Variants in TFPI2 observed in about 807,000 individuals in gnomAD.
The protein encoded by TFPI2 is tissue factor pathway inhibitor 2.
Under a neutral mutation model 23.1 loss-of-function variants are expected in TFPI2, and 23 were observed. The observed-to-expected ratio is 1.00, with a 90% CI of 0.72 to 1.41. TFPI2 has a LOEUF of 1.41. TFPI2 is among the 40% of genes most tolerant of loss of function. The pLI, the probability that TFPI2 is intolerant of heterozygous loss-of-function variation, is 0.00. For synonymous variants in TFPI2, 119 were observed against 111.7 expected (o/e 1.07, Z -0.41); for missense variants, 291 against 299.6 (o/e 0.97, Z 0.21).
chr7:93,890,423 G>GGGCC, intron 1 of TFPI2, 104 bp from the exon 2 acceptor site: 1 of 1,454,604 alleles, frequency 6.9e-7, no homozygotes, highest in Non-Finnish European at 9.2e-7. Context: ...CCGAGCGGAG[G>GGGCC]GGCCTCTGCA....
chr7:93,888,971 G>GT (rs965823053), intron 3 of TFPI2, 64 bp downstream of exon 3: 17 of 1,495,150 alleles, frequency 1.1e-5, no homozygotes, highest in African/African-American at 5.7e-5. Flanking sequence ...ATCAAATTGA[G>GT]TTTTTTCCAC....
In TFPI2 at chr7:93,890,174, G is replaced by C; in HGVS notation, c.234C>G (p.Thr78=). 3 of 1,613,074 alleles carry C rather than the reference G, an allele frequency of 1.9e-6. No individual in the cohort carries two copies. Among genetic ancestry groups the C allele is most frequent in the Non-Finnish European group, 2.5e-6 (3 of 1,179,232 alleles). The change falls in exon 2 of 5, where the codon ACC becomes ACG. Residue 78 remains threonine, a synonymous_variant. Transcript: ENST00000222543. ...AGCAAGCATCGTCGCAAGCCTCCCA[G>C]GTGTAGAAATTGTTGGCGTTGCCCT... is the stretch of plus-strand genomic sequence containing the variant. ...GCEGNANNFY[T]WEACDDACWR...
intron 2 of TFPI2, 124 bp downstream of exon 2, chr7:93,890,013 T>G: frequency 1.9e-6 from 2 of 1,029,040 alleles, no homozygotes; most frequent in Non-Finnish European, 1.4e-6. Flanking sequence ...TGAGGTTTGC[T>G]TAACACTTGA....
At chr7:93,889,350 A>G (rs1307774904) in intron 2 of TFPI2, 127 bp from the exon 3 acceptor site, 4 of 809,180 alleles carry the variant, frequency 4.9e-6, no homozygotes, top group Non-Finnish European at 7.6e-6. Flanking sequence ...GTAAATACCC[A>G]GAATACTCCC....
chr7:93,890,159 G>A lies in TFPI2; in HGVS notation c.249C>T (p.Asp83=). ...ANNFYTWEAC[D]DACWRIEKVP... is the part of the protein sequence containing the mutation. ...TACTTTCTATCCTCCAGCAAGCATC[G>A]TCGCAAGCCTCCCAGGTGTAGAAAT... The change falls in exon 2 of 5, where the codon GAC becomes GAT. Residue 83 remains aspartate (D), a synonymous_variant. Coordinates refer to ENST00000222543, the MANE Select transcript of TFPI2 (RefSeq NM_006528.4). 1 of 1,608,988 alleles carries A rather than the reference G, an allele frequency of 6.2e-7. No homozygotes were observed. The highest frequency in any genetic ancestry group is 8.5e-7 in the Non-Finnish European group (1 of 1,176,124).
chr7:93,888,587 A>AGGAAGGAAGGAG (rs1554337258), intron 3 of TFPI2, among the ~76,000 whole-genome samples: 1 of 92,272 alleles, frequency 1.1e-5, no homozygotes, highest in Non-Finnish European at 1.9e-5. Flanking sequence ...GAAGGAAGGA[A>AGGAAGGAAGGAG]AGAGAAAGAA....
chr7:93,887,369 A>C lies in TFPI2; in HGVS notation c.523T>G (p.Tyr175Asp). The change falls in exon 4 of 5, where the codon TAT becomes GAT. Residue 175 changes from tyrosine (Y) to aspartate (D), a missense_variant. Transcript: ENST00000222543. ...CAGGTTCTGTATCTTGGATTAAAAT[A>C]ATAGCGAGTCACATTGGCAGAGCAC... is the stretch of plus-strand genomic sequence containing the variant. ...GLCSANVTRYYFNPRYRTCDA... is the reference protein window; with the variant it reads ...GLCSANVTRYDFNPRYRTCDA... 1.9e-6 allele frequency: 3 copies of C among 1,613,930 alleles called. No homozygotes were observed. The highest frequency in any genetic ancestry group is 2.5e-6 in the Non-Finnish European group (3 of 1,179,840).
Position 93,890,137 on chromosome 7 carries a change from T to G in TFPI2, c.271A>C (p.Lys91Gln), listed in dbSNP as rs1292686710. 6.3e-7 allele frequency: 1 copy of G among 1,596,636 alleles called. No homozygotes were observed. The highest frequency in any genetic ancestry group is 1.7e-5 in the Admixed American group (1 of 59,222). ...ACDDACWRIE[K>Q]VPKVCRLQVS... ...TCCTGGGTGCGCGCAGGGCACTTACTTTCTATCCTCCAGCAAGCATCGTCG... is the reference window on the plus strand; with the variant it reads ...TCCTGGGTGCGCGCAGGGCACTTACGTTCTATCCTCCAGCAAGCATCGTCG... Residue 91 changes from lysine (K) to glutamine (Q), a missense_variant and splice_region_variant, in exon 2 of 5, where the codon AAA becomes CAA. Transcript: ENST00000222543.
chr7:93,886,768 C>G lies in TFPI2; in HGVS notation c.*52G>C. The G allele has an allele frequency of 8.7e-7, 1 of 1,149,322 alleles. No individual in the cohort carries two copies. Among genetic ancestry groups the G allele is most frequent in the Non-Finnish European group, 1.2e-6 (1 of 814,704 alleles). 71.2% of individuals were successfully genotyped at this position (1,149,322 alleles called of 1,614,324 possible). Reference sequence around the variant, plus strand: ...CTGTCATATTATTCTTCAGATACAACCATAAAGGCAAATAAGCCATAAAGA... The same window carrying G: ...CTGTCATATTATTCTTCAGATACAAGCATAAAGGCAAATAAGCCATAAAGA... On this transcript the variant is annotated 3_prime_UTR_variant, in exon 5 of 5. Coordinates refer to ENST00000222543, the MANE Select transcript of TFPI2 (RefSeq NM_006528.4).
Position 93,890,284 on chromosome 7 carries a change from A to G in TFPI2, c.124T>C (p.Tyr42His), listed in dbSNP as rs751929585. 4.3e-6 allele frequency: 7 copies of G among 1,613,074 alleles called. No individual in the cohort carries two copies. The highest frequency in any genetic ancestry group is 5.1e-6 in the Non-Finnish European group (6 of 1,179,274). Residue 42 changes from tyrosine to histidine, a missense_variant, in exon 2 of 5, where the codon TAC becomes CAC. Tyr to His is a moderately conservative substitution (Grantham distance 83). Coordinates refer to ENST00000222543, the MANE Select transcript of TFPI2 (RefSeq NM_006528.4). The stretch of plus-strand genomic sequence containing the variant: ...AGAAGTAGGGCCCGGCAGGGTCCGT[A>G]GTCTAGGGGCAGGAGACAGATCTCC... Reference protein sequence around the residue: ...NAEICLLPLDYGPCRALLLRY... With the variant: ...NAEICLLPLDHGPCRALLLRY...
intron 3 of TFPI2, 107 bp downstream of exon 3, chr7:93,888,928 G>C: frequency 9.7e-7 from 1 of 1,033,542 alleles, no homozygotes; most frequent in Non-Finnish European, 1.4e-6. Context: ...GTCAAGTAAT[G>C]TGAAATCATG....
At chr7:93,887,672 C>T (rs1420379783) in intron 3 of TFPI2, among the ~76,000 whole-genome samples, 1 of 152,086 alleles carries the variant, frequency 6.6e-6, no homozygotes, top group East Asian at 1.9e-4. Flanking sequence ...ATCTTTGTAT[C>T]CTTTAAATGT....
intron 2 of TFPI2, 127 bp from the exon 3 acceptor site, chr7:93,889,350 A>C (rs1307774904): frequency 1.2e-6 from 1 of 809,296 alleles, no homozygotes; most frequent in Non-Finnish European, 1.9e-6. Flanking sequence ...GTAAATACCC[A>C]GAATACTCCC....
chr7:93,888,544 A>AGGAG (rs1446158200), intron 3 of TFPI2, among the ~76,000 whole-genome samples: 8 of 105,382 alleles, frequency 7.6e-5, no homozygotes, highest in African/African-American at 2.6e-4. Context: ...AAGGAAGGAA[A>AGGAG]GAAGGAAGGA....
intron 3 of TFPI2, among the ~76,000 whole-genome samples, chr7:93,888,581 G>GAC (rs1202135452): frequency 2.2e-4 from 24 of 108,806 alleles, no homozygotes; most frequent in African/African-American, 1.4e-3. Flanking sequence ...AGGAAGGAAG[G>GAC]AAGGAAAGAG....
rs1267779368 is a variant in TFPI2 at position 93,888,959 on chromosome 7, GCATCAAATTGAGTTTTTTC to G, written c.460+57_460+75del. 3.8e-6 allele frequency: 5 copies of G among 1,308,556 alleles called. No individual in the cohort carries two copies. In the Admixed American group the frequency reaches 1.2e-4, roughly 30 times the overall value. The allele number at this position is 1,308,556 out of a possible 1,614,324, so 81.1% of individuals were successfully genotyped here. On this transcript the variant is annotated intron_variant, in intron 3 of 4. Coordinates refer to ENST00000222543, the MANE Select transcript of TFPI2 (RefSeq NM_006528.4). ...TCATGAAAATGCACATGTTAATTTC[GCATCAAATTGAGTTTTTTC>G]CACCCAAATGTCTTTTCAAAAAAGT...
intron 4 of TFPI2, 120 bp downstream of exon 4, chr7:93,887,141 T>C (rs560702261): frequency 1.8e-5 from 18 of 1,012,298 alleles, no homozygotes; most frequent in African/African-American, 3.3e-5. Context: ...GAGATACTTA[T>C]GTAGAAGTAG....
chr7:93,889,734 A>T (rs1304537321), intron 2 of TFPI2, among the ~76,000 whole-genome samples: 2 of 152,228 alleles, frequency 1.3e-5, no homozygotes, highest in African/African-American at 4.8e-5. Flanking sequence ...ATCCACTAAA[A>T]ATATTTCAGA....
intron 3 of TFPI2, among the ~76,000 whole-genome samples, chr7:93,887,849 T>C (rs1057364727): frequency 6.6e-6 from 1 of 152,198 alleles, no homozygotes; most frequent in Non-Finnish European, 1.5e-5. Context: ...CATACTAATT[T>C]CCAGGTAACC....
Sources: gnomAD v4.1 joint callset for allele counts (sites outside exome capture counted in the v4.1 genomes callset) on GRCh38, gnomAD v4.1.1 for gene constraint, MANE v1.5 for transcripts, NCBI Gene and HGNC (gene_info 2026-07-23, HGNC 2026-07-21) for gene names.